Variants in EPHB1 observed in about 807,000 individuals in gnomAD.
The protein encoded by EPHB1 is ephrin type-B receptor 1.
A neutral mutation model predicts 94.4 loss-of-function variants in EPHB1; 30 were observed. That is an observed-to-expected ratio of 0.32 (90% CI 0.24 to 0.43). EPHB1 has a LOEUF of 0.43. EPHB1 is among the 20% of genes least tolerant of loss of function. The probability of loss-of-function intolerance (pLI) is 1.00; values close to 1 mark genes in which losing one functional copy is unlikely to be tolerated. For synonymous variants in EPHB1, 522 were observed against 489.1 expected (o/e 1.07, Z -0.89); for missense variants, 1,055 against 1,308.3 (o/e 0.81, Z 2.99).
intron 4 of EPHB1, among the ~76,000 whole-genome samples, chr3:135,131,661 A>G (rs969398556): frequency 2.6e-5 from 4 of 152,220 alleles, no homozygotes; most frequent in African/African-American, 9.6e-5. Context: ...TGTGGCCGTT[A>G]ATTCAGCAAT....
Position 135,174,467 on chromosome 3 carries a change from G to A in EPHB1, c.1760-5393G>A, listed in dbSNP as rs1156582819. On this transcript the variant is annotated intron_variant, in intron 9 of 15. Transcript: ENST00000398015. ...TTCAGGATTCTGACCCTGAAGACTG[G>A]CACCCATAGCCTCTGCCTTTTCTGG... Among the ~76,000 whole-genome samples the A allele has an allele frequency of 1.3e-3, 196 of 152,192 alleles. 3 individuals are homozygous for A. Among genetic ancestry groups the A allele is most frequent in the Non-Finnish European group, 7.3e-5 (5 of 68,052 alleles).
At chr3:134,992,843 C>T (rs1321265316) in intron 3 of EPHB1, among the ~76,000 whole-genome samples, 3 of 152,166 alleles carry the variant, frequency 2.0e-5, no homozygotes, top group African/African-American at 4.8e-5. Flanking sequence ...GCTGTATTTG[C>T]TTCCCTGGGT....
intron 6 of EPHB1, among the ~76,000 whole-genome samples, chr3:135,156,002 T>C (rs927269641): frequency 2.0e-5 from 3 of 151,892 alleles, no homozygotes; most frequent in Non-Finnish European, 4.4e-5. Flanking sequence ...TGAAATGTAG[T>C]TGATTTCCAG....
chr3:135,133,372 G>A (rs1940496459), intron 5 of EPHB1, among the ~76,000 whole-genome samples: 1 of 152,196 alleles, frequency 6.6e-6, no homozygotes, highest in Non-Finnish European at 1.5e-5. Context: ...TGAAGAGATG[G>A]ACAGACAGGT....
At position 135,129,470 on chromosome 3, in the gene EPHB1, C is replaced by T. The variant is rs113341393; in HGVS notation, c.962-3244C>T. Among the ~76,000 whole-genome samples, 594 of 152,350 alleles carry T rather than the reference C, an allele frequency of 3.9e-3. 5 individuals carry two copies. Among genetic ancestry groups the T allele is most frequent in the African/African-American group, 0.014 (562 of 41,584 alleles). On this transcript the variant is annotated intron_variant, in intron 4 of 15. Coordinates refer to ENST00000398015, the MANE Select transcript of EPHB1 (RefSeq NM_004441.5). ...TCTCCAAGGCCCCTCCATCCACCTA[C>T]AGCAAGGCATCCTGTCTCACGCTGG...
chr3:135,046,127 T>A (rs1001380131), intron 3 of EPHB1, among the ~76,000 whole-genome samples: 5 of 152,240 alleles, frequency 3.3e-5, no homozygotes, highest in African/African-American at 1.2e-4. Flanking sequence ...CTCGCTGTTT[T>A]ATGAAAATAG....
intron 4 of EPHB1, among the ~76,000 whole-genome samples, chr3:135,116,726 A>G (rs760588784): frequency 6.6e-6 from 1 of 152,162 alleles, no homozygotes. Flanking sequence ...TTTCGTCAGT[A>G]TGCTTCTCAA....
At chr3:134,808,776 A>T (rs1477147350) in intron 1 of EPHB1, among the ~76,000 whole-genome samples, 2 of 152,198 alleles carry the variant, frequency 1.3e-5, no homozygotes, top group African/African-American at 4.8e-5. Flanking sequence ...GAGCATCATG[A>T]TCAAATTTAA....
intron 12 of EPHB1, among the ~76,000 whole-genome samples, chr3:135,206,554 A>G (rs1178321373): frequency 2.0e-5 from 3 of 152,200 alleles, no homozygotes; most frequent in African/African-American, 7.2e-5. Flanking sequence ...AATTTTATTA[A>G]AAGTCTTACT....
intron 15 of EPHB1, among the ~76,000 whole-genome samples, chr3:135,252,462 G>A (rs886508161): frequency 2.0e-4 from 29 of 145,284 alleles, no homozygotes; most frequent in South Asian, 8.8e-4. Flanking sequence ...GAGAATATGC[G>A]GTGTTTGGTT....
At chr3:134,830,459 A>G (rs1431799448) in intron 1 of EPHB1, among the ~76,000 whole-genome samples, 2 of 152,180 alleles carry the variant, frequency 1.3e-5, no homozygotes. Flanking sequence ...ATTTTTATTA[A>G]CATACATGCA....
intron 3 of EPHB1, among the ~76,000 whole-genome samples, chr3:135,106,060 G>A (rs1314016521): frequency 6.6e-6 from 1 of 152,206 alleles, no homozygotes; most frequent in Non-Finnish European, 1.5e-5. Context: ...GATGTCTTTA[G>A]TGAGTGGCTC....
intron 1 of EPHB1, among the ~76,000 whole-genome samples, chr3:134,912,590 G>C (rs1476759065): frequency 6.6e-6 from 1 of 152,188 alleles, no homozygotes; most frequent in Non-Finnish European, 1.5e-5. Context: ...TGTCAGGAAG[G>C]AATCTGAGTC....
chr3:134,952,904 A>G (rs1319379898), intron 3 of EPHB1, among the ~76,000 whole-genome samples: 1 of 152,210 alleles, frequency 6.6e-6, no homozygotes, highest in Non-Finnish European at 1.5e-5. Flanking sequence ...GTCTAAGTGC[A>G]TGGAAGCTGA....
intron 1 of EPHB1, among the ~76,000 whole-genome samples, chr3:134,871,091 A>G (rs1055238953): frequency 1.3e-5 from 2 of 152,180 alleles, no homozygotes; most frequent in Non-Finnish European, 2.9e-5. Context: ...AGTGTAGTAG[A>G]GATTAGAAAA....
chr3:135,002,098 T>A (rs1042854497), intron 3 of EPHB1, among the ~76,000 whole-genome samples: 1 of 152,206 alleles, frequency 6.6e-6, no homozygotes, highest in African/African-American at 2.4e-5. Context: ...GCCATAAAAA[T>A]GAATGAAATG....
At chr3:134,956,273 C>G (rs540368226) in intron 3 of EPHB1, among the ~76,000 whole-genome samples, 2 of 152,164 alleles carry the variant, frequency 1.3e-5, no homozygotes, top group South Asian at 4.2e-4. Context: ...CTAGCTGGAG[C>G]ACTATGCATA....
At chr3:134,835,789 A>G (rs2036663955) in intron 1 of EPHB1, among the ~76,000 whole-genome samples, 2 of 152,134 alleles carry the variant, frequency 1.3e-5, no homozygotes, top group African/African-American at 4.8e-5. Context: ...AGGGGTGTCA[A>G]GATTTCTGGG....
At chr3:134,799,902 T>A (rs1202129426) in intron 1 of EPHB1, among the ~76,000 whole-genome samples, 2 of 152,158 alleles carry the variant, frequency 1.3e-5, no homozygotes, top group Non-Finnish European at 2.9e-5. Flanking sequence ...AGAAGGGTGA[T>A]GCTAGGGGAC....
Sources: gnomAD v4.1 joint callset for allele counts (sites outside exome capture counted in the v4.1 genomes callset) on GRCh38, gnomAD v4.1.1 for gene constraint, MANE v1.5 for transcripts, NCBI Gene and HGNC (gene_info 2026-07-23, HGNC 2026-07-21) for gene names.